Variants in ABCA4 observed in about 807,000 individuals in gnomAD.
ABCA4 encodes the protein retinal-specific phospholipid-transporting ATPase ABCA4.
In ABCA4, 196 loss-of-function variants were observed where a neutral mutation model predicts 263.7. The observed-to-expected ratio is 0.74, with a 90% CI of 0.66 to 0.84. The LOEUF (loss-of-function observed/expected upper bound fraction) is 0.84, where lower values mean the gene tolerates loss of function less well. Ranked by LOEUF, ABCA4 falls within the 40% of genes least tolerant of loss-of-function variation. The probability of loss-of-function intolerance (pLI) is 0.00; values close to 1 mark genes in which losing one functional copy is unlikely to be tolerated. For missense variants in ABCA4, 2,792 were observed against 2,855.1 expected (o/e 0.98, Z 0.50); for synonymous variants, 1,133 against 1,094.2 (o/e 1.04, Z -0.70).
chr1:94,062,614 G>A lies in ABCA4; in HGVS notation c.1900C>T (p.Leu634Phe). The change falls in exon 13 of 50, where the codon CTC becomes TTC. Residue 634 changes from leucine (L) to phenylalanine (F), a missense_variant. Leu to Phe is a conservative substitution (Grantham distance 22). Transcript: ENST00000370225. ...VQAEAPVGIY[L>F]QQMPYPCFVD... Reference sequence around the variant, plus strand: ...AAGCAGGGGTAGGGCATCTGCTGGAGGTAGATTCCAACTGGAGCCTCCGCC... The same window carrying A: ...AAGCAGGGGTAGGGCATCTGCTGGAAGTAGATTCCAACTGGAGCCTCCGCC... The A allele has an allele frequency of 6.2e-7, 1 of 1,614,190 alleles. No homozygotes were observed. The highest frequency in any genetic ancestry group is 8.5e-7 in the Non-Finnish European group (1 of 1,180,040).
chr1:94,101,700 G>T (rs1172395049), intron 5 of ABCA4, among the ~76,000 whole-genome samples: 1 of 152,222 alleles, frequency 6.6e-6, no homozygotes, highest in Non-Finnish European at 1.5e-5. Flanking sequence ...GACCCAGCCA[G>T]GAGGGAGTCG....
chr1:94,093,917 T>G (rs1343797099), intron 6 of ABCA4, among the ~76,000 whole-genome samples: 1 of 152,202 alleles, frequency 6.6e-6, no homozygotes, highest in Non-Finnish European at 1.5e-5. Flanking sequence ...GCTTGAATAT[T>G]TTCATAAAAC....
At chr1:94,078,555 C>T in intron 10 of ABCA4, 35 bp downstream of exon 10, 1 of 754,618 alleles carries the variant, frequency 1.3e-6, no homozygotes, top group Non-Finnish European at 2.3e-6. Flanking sequence ...CCGCTTCCTC[C>T]TCCCCTCCCC....
At chr1:94,046,495 A>G (rs1660687032) in intron 19 of ABCA4, among the ~76,000 whole-genome samples, 1 of 150,810 alleles carries the variant, frequency 6.6e-6, no homozygotes, top group African/African-American at 2.4e-5. Context: ...AAGAGAAAGG[A>G]AATAGGAGGA....
chr1:94,026,626 G>A (rs774263563), intron 30 of ABCA4, among the ~76,000 whole-genome samples: 17 of 152,178 alleles, frequency 1.1e-4, no homozygotes, highest in Non-Finnish European at 2.2e-4. Context: ...TGCTGGCTGC[G>A]ATAGCTTATG....
In ABCA4 at chr1:94,036,780, C is replaced by T. The variant is rs142715811; in HGVS notation, c.3822G>A (p.Leu1274=). ...ISDTPLEEIF[L]KVTEDSDSGP... ...CTGAATCAGAATCCTCCGTGACCTTCAGAAAAATCTGTCAAGAAGAAAAAA... is the reference window on the plus strand; with the variant it reads ...CTGAATCAGAATCCTCCGTGACCTTTAGAAAAATCTGTCAAGAAGAAAAAA... Residue 1274 remains leucine, a synonymous_variant, in exon 26 of 50, where the codon CTG becomes CTA. Transcript: ENST00000370225. The T allele has an allele frequency of 1.2e-6, 2 of 1,614,106 alleles. No homozygotes were observed. The highest frequency in any genetic ancestry group is 1.7e-6 in the Non-Finnish European group (2 of 1,179,984).
Position 94,037,436 on chromosome 1 carries a change from A to G in ABCA4, c.3608-86T>C, listed in dbSNP as rs112432198. The G allele has an allele frequency of 3.6e-4, 440 of 1,223,186 alleles. No homozygotes were observed. The African/African-American group carries it at 5.8e-3, about 16-fold the overall frequency. 75.8% of individuals were successfully genotyped at this position (1,223,186 alleles called of 1,614,324 possible). A position where few individuals can be genotyped will look rare whatever the true frequency, so the allele number is the denominator to read the frequency against. On this transcript the variant is annotated intron_variant, in intron 24 of 49. Transcript: ENST00000370225. ...TTACCCAGATTTCCTACTTCTCTCC[A>G]CTTCCCCTTTGAAGAAGAGGTATTT...
chr1:94,004,841 T>C (rs1490937795), intron 44 of ABCA4, among the ~76,000 whole-genome samples: 3 of 152,272 alleles, frequency 2.0e-5, no homozygotes, highest in Admixed American at 6.5e-5. Flanking sequence ...CTACGTTCTA[T>C]TTGCAAAGGT....
intron 44 of ABCA4, among the ~76,000 whole-genome samples, chr1:94,003,027 G>A (rs962486868): frequency 6.6e-6 from 1 of 152,054 alleles, no homozygotes. Flanking sequence ...CCCATTTGAG[G>A]GTAAATTACT....
At chr1:94,050,107 C>T (rs1267881553) in intron 17 of ABCA4, among the ~76,000 whole-genome samples, 1 of 152,208 alleles carries the variant, frequency 6.6e-6, no homozygotes, top group African/African-American at 2.4e-5. Flanking sequence ...TGTGCTGGAG[C>T]AGCAGGTAGT....
chr1:94,008,471 C>T (rs532188346), intron 41 of ABCA4, among the ~76,000 whole-genome samples, 174 bp from the exon 42 acceptor site: 46 of 152,256 alleles, frequency 3.0e-4, no homozygotes, highest in African/African-American at 1.1e-3. Flanking sequence ...CGAGGCTGAC[C>T]CATGCTCTGC....
At chr1:94,016,373 C>T (rs915199) in intron 36 of ABCA4, among the ~76,000 whole-genome samples, 45,629 of 151,990 alleles carry the variant, frequency 0.3, 7,973 homozygotes, top group African/African-American at 0.5. Context: ...GGCAACCTGC[C>T]GTGGGGTGTG....
At chr1:94,017,588 G>A (rs533009265) in intron 36 of ABCA4, among the ~76,000 whole-genome samples, 14 of 152,334 alleles carry the variant, frequency 9.2e-5, no homozygotes, top group East Asian at 3.9e-4. Context: ...GGCAATGGGC[G>A]AAAGAGGAGT....
Position 93,998,006 on chromosome 1 carries a change from C to T in ABCA4, c.6584G>A (p.Gly2195Asp). Residue 2195 changes from glycine to aspartate, a missense_variant, in exon 48 of 50, where the codon GGC becomes GAC. Gly to Asp is a moderately conservative substitution (Grantham distance 94, BLOSUM62 -1). Coordinates refer to ENST00000370225, the MANE Select transcript of ABCA4 (RefSeq NM_000350.3). Reference protein sequence around the residue: ...VEQFFQGNFPGSVQRERHYNM... With the variant: ...VEQFFQGNFPDSVQRERHYNM... ...GTAGTGCCTCTCCCTCTGCACACTG[C>T]CTGGGAAGTTCCCCTGGAAGAACTG... 5 of 1,614,106 alleles carry T rather than the reference C, an allele frequency of 3.1e-6. No homozygotes were observed. Among genetic ancestry groups the T allele is most frequent in the South Asian group, 1.1e-5 (1 of 91,070 alleles).
At chr1:94,055,056 G>T in intron 16 of ABCA4, 55 bp downstream of exon 16, 1 of 1,486,426 alleles carries the variant, frequency 6.7e-7, no homozygotes, top group Non-Finnish European at 9.4e-7. Flanking sequence ...TGAATGGAGA[G>T]GGCTGGGGAT....
chr1:94,063,797 A>G (rs552107065), intron 11 of ABCA4, among the ~76,000 whole-genome samples: 89 of 152,216 alleles, frequency 5.8e-4, no homozygotes, highest in Non-Finnish European at 1.1e-3. Flanking sequence ...AGCTGAGGGA[A>G]GAGCAAGGAG....
intron 31 of ABCA4, among the ~76,000 whole-genome samples, chr1:94,024,247 C>T (rs1031422742): frequency 3.3e-5 from 5 of 152,170 alleles, no homozygotes; most frequent in East Asian, 1.9e-4. Context: ...GACTGGACCA[C>T]GCTTCCTTAG....
In ABCA4 at chr1:94,062,655, G is replaced by A. The variant is rs780772475; in HGVS notation, c.1859C>T (p.Thr620Ile). ...AGCCTCCGCCTGCACCTGGCTCCTT[G>A]TGATCCCCTGTTCAACCATGTCCTG... ...YLQDMVEQGI[T>I]RSQVQAEAPV... Residue 620 changes from threonine to isoleucine, a missense_variant, in exon 13 of 50, where the codon ACA (threonine) becomes ATA (isoleucine). Coordinates refer to ENST00000370225, the MANE Select transcript of ABCA4 (RefSeq NM_000350.3). The A allele has an allele frequency of 1.2e-6, 2 of 1,614,152 alleles. No individual in the cohort carries two copies. Among genetic ancestry groups the A allele is most frequent in the South Asian group, 2.2e-5 (2 of 91,084 alleles).
At chr1:94,051,056 C>A (rs1224824946) in intron 17 of ABCA4, among the ~76,000 whole-genome samples, 1 of 152,212 alleles carries the variant, frequency 6.6e-6, no homozygotes, top group Non-Finnish European at 1.5e-5. Flanking sequence ...GTAAAGGTGC[C>A]TTTTACCTAA....
Sources: gnomAD v4.1 joint callset for allele counts (sites outside exome capture counted in the v4.1 genomes callset) on GRCh38, gnomAD v4.1.1 for gene constraint, MANE v1.5 for transcripts, NCBI Gene and HGNC (gene_info 2026-07-23, HGNC 2026-07-21) for gene names.